COX7B2: variants seen among roughly 807,000 people sequenced by gnomAD.
The protein encoded by COX7B2 is cytochrome c oxidase subunit 7B2.
For missense variants in COX7B2, 109 were observed against 95.9 expected, an observed-to-expected ratio of 1.14 and a Z score of -0.57; for synonymous variants, 37 against 32.1, an observed-to-expected ratio of 1.15 and a Z score of -0.51.
chr4:46,782,680 T>G (rs1446370888), intron 2 of COX7B2, among the ~76,000 whole-genome samples: 1 of 152,098 alleles, frequency 6.6e-6, no homozygotes, highest in Non-Finnish European at 1.5e-5. Flanking sequence ...GCTGTAACAC[T>G]CACCATGAAG....
Position 46,762,996 on chromosome 4 carries a change from AT to A in COX7B2, c.-49-27756del, listed in dbSNP as rs1352363077. ...TATACCACATATATGTAATATGTAT[AT>A]TAAATATACATAATTATAATATATA... On this transcript the variant is annotated intron_variant, in intron 2 of 2. Transcript: ENST00000355591. Among the ~76,000 whole-genome samples the A allele has an allele frequency of 2.0e-4, 27 of 138,104 alleles. No homozygotes were observed. The East Asian group carries it at 5.4e-3, about 28-fold the overall frequency. 90.6% of individuals were successfully genotyped at this position (138,104 alleles called of 152,430 possible). A position where few individuals can be genotyped will look rare whatever the true frequency, so the allele number is the denominator to read the frequency against.
chr4:46,809,228 T>C (rs1280509731), intron 2 of COX7B2, among the ~76,000 whole-genome samples: 1 of 151,792 alleles, frequency 6.6e-6, no homozygotes, highest in Non-Finnish European at 1.5e-5. Context: ...CTCTTTTTTC[T>C]TCAGAAAAGC....
At chr4:46,752,487 G>A (rs964061677) in intron 2 of COX7B2, among the ~76,000 whole-genome samples, 1 of 152,134 alleles carries the variant, frequency 6.6e-6, no homozygotes, top group Non-Finnish European at 1.5e-5. Context: ...GGGCATCCCT[G>A]TCTTGTGCCA....
intron 2 of COX7B2, among the ~76,000 whole-genome samples, chr4:46,754,193 C>A (rs531170209): frequency 6.6e-6 from 1 of 152,074 alleles, no homozygotes; most frequent in East Asian, 1.9e-4. Context: ...TACCATTTGA[C>A]CCAGCCATCC....
At chr4:46,830,324 C>CAAAAAAAAAAAAA in intron 2 of COX7B2, among the ~76,000 whole-genome samples, 1 of 82,134 alleles carries the variant, frequency 1.2e-5, no homozygotes, top group Non-Finnish European at 2.5e-5. Flanking sequence ...ACTCTGTCTC[C>CAAAAAAAAAAAAA]AAAAAAAAAA....
At chr4:46,756,515 C>G (rs1224207924) in intron 2 of COX7B2, among the ~76,000 whole-genome samples, 4 of 151,966 alleles carry the variant, frequency 2.6e-5, no homozygotes, top group Admixed American at 2.6e-4. Context: ...AACAGACATC[C>G]TACAGAATGG....
intron 2 of COX7B2, among the ~76,000 whole-genome samples, chr4:46,776,391 AGAGTGTGT>A (rs1170684632): frequency 1.5e-5 from 2 of 132,586 alleles, no homozygotes; most frequent in African/African-American, 2.8e-5. Context: ...GAGTAGTTTC[AGAGTGTGT>A]GTGTGTGTGT....
intron 2 of COX7B2, among the ~76,000 whole-genome samples, chr4:46,840,371 C>T (rs1421376436): frequency 6.6e-6 from 1 of 151,844 alleles, no homozygotes; most frequent in African/African-American, 2.4e-5. Context: ...TTTTTGTCTG[C>T]AACAATAATA....
chr4:46,893,216 G>C (rs1719545586), intron 1 of COX7B2, among the ~76,000 whole-genome samples: 1 of 152,012 alleles, frequency 6.6e-6, no homozygotes, highest in Non-Finnish European at 1.5e-5. Context: ...TGATGGTGAG[G>C]GCATTGTGAA....
intron 2 of COX7B2, among the ~76,000 whole-genome samples, chr4:46,780,138 C>A (rs537474552): frequency 6.6e-6 from 1 of 152,082 alleles, no homozygotes; most frequent in Non-Finnish European, 1.5e-5. Flanking sequence ...GATTCAATGA[C>A]TAATCCAGGG....
At chr4:46,749,682 G>C (rs1715231982) in intron 2 of COX7B2, among the ~76,000 whole-genome samples, 1 of 152,194 alleles carries the variant, frequency 6.6e-6, no homozygotes. Context: ...GTATAAACCA[G>C]AGGGTGTGTT....
chr4:46,738,195 C>A (rs115165077), intron 2 of COX7B2, among the ~76,000 whole-genome samples: 2 of 152,066 alleles, frequency 1.3e-5, no homozygotes, highest in Admixed American at 6.5e-5. Flanking sequence ...TCTAGTGGGT[C>A]GGCTCATGCT....
chr4:46,818,915 C>T (rs932483517), intron 2 of COX7B2, among the ~76,000 whole-genome samples: 1 of 152,214 alleles, frequency 6.6e-6, no homozygotes, highest in Admixed American at 6.5e-5. Context: ...CCCCCCAACA[C>T]TGTAAGTTTT....
chr4:46,901,354 C>T (rs776903024), intron 1 of COX7B2, among the ~76,000 whole-genome samples: 14 of 152,170 alleles, frequency 9.2e-5, no homozygotes, highest in Non-Finnish European at 1.9e-4. Context: ...TCCTATTGTC[C>T]TTATCATAGG....
chr4:46,841,375 T>TGTGTGTGTG (rs1560414303), intron 2 of COX7B2, among the ~76,000 whole-genome samples: 3 of 100,616 alleles, frequency 3.0e-5, no homozygotes, highest in Admixed American at 2.3e-4. Context: ...GTGTGTGTGT[T>TGTGTGTGTG]TAAGATGGGC....
intron 1 of COX7B2, among the ~76,000 whole-genome samples, chr4:46,860,780 C>A (rs967656499): frequency 3.9e-5 from 6 of 152,152 alleles, no homozygotes; most frequent in Non-Finnish European, 8.8e-5. Flanking sequence ...TTACTCCCTG[C>A]CAACTTTATT....
chr4:46,817,137 G>T (rs949614813), intron 2 of COX7B2, among the ~76,000 whole-genome samples: 2 of 152,158 alleles, frequency 1.3e-5, no homozygotes, highest in African/African-American at 2.4e-5. Context: ...CAAGCTAAAT[G>T]GTTAACTGAC....
intron 2 of COX7B2, among the ~76,000 whole-genome samples, chr4:46,756,799 G>T (rs1023888801): frequency 4.6e-5 from 7 of 151,994 alleles, no homozygotes; most frequent in Admixed American, 2.0e-4. Context: ...ATGTTTGCAA[G>T]AATGTGGAGA....
rs145932003 is a variant in COX7B2 at position 46,907,458 on chromosome 4, G to C, written c.-105+1702C>G. On this transcript the variant is annotated intron_variant, in intron 1 of 2. Coordinates refer to ENST00000355591, the MANE Select transcript of COX7B2 (RefSeq NM_130902.3). ...TTTTAGAACCAGATATTCCAATCAT[G>C]AGACTTTTTAATTGCTTTCTCAGTC... Among the ~76,000 whole-genome samples, 580 of 152,180 alleles carry C rather than the reference G, an allele frequency of 3.8e-3. 11 individuals are homozygous for C. The highest frequency in any genetic ancestry group is 2.9e-3 in the East Asian group (15 of 5,182).
Sources: allele counts gnomAD v4.1 joint callset (sites outside exome capture counted in the v4.1 genomes callset), GRCh38; gene constraint gnomAD v4.1.1; transcripts MANE v1.5; gene names NCBI Gene and HGNC (gene_info 2026-07-23, HGNC 2026-07-21).